Variants in CPS1 observed in about 807,000 individuals in gnomAD.
The protein encoded by CPS1 is carbamoyl-phosphate synthase [ammonia], mitochondrial.
A neutral mutation model predicts 174.6 loss-of-function variants in CPS1; 109 were observed. The ratio of observed to expected loss-of-function variants is 0.62; its 90% CI spans 0.53 to 0.73. The LOEUF (loss-of-function observed/expected upper bound fraction) is 0.73, where lower values mean the gene tolerates loss of function less well. Among genes scored for constraint, CPS1 ranks in the 30% least tolerant of loss-of-function variants. The probability of loss-of-function intolerance (pLI) is 0.00; values close to 1 mark genes in which losing one functional copy is unlikely to be tolerated. For synonymous variants in CPS1, 637 were observed against 632.0 expected (o/e 1.01, Z -0.12); for missense variants, 1,689 against 1,821.9 (o/e 0.93, Z 1.33).
In CPS1 at chr2:210,582,254, C is replaced by T. The variant is rs147623185; in HGVS notation, c.529-363C>T. Among the ~76,000 whole-genome samples, 7 of 150,830 alleles carry T rather than the reference C, an allele frequency of 4.6e-5. No homozygotes were observed. In the East Asian group the frequency reaches 1.2e-3, roughly 25 times the overall value. On this transcript the variant is annotated intron_variant, in intron 5 of 37. Coordinates refer to ENST00000233072, the MANE Select transcript of CPS1 (RefSeq NM_001875.5). ...TATTGTCTCAATAGATTTTTTTTGT[C>T]CATTTCTCTCATGAAATGTCTTTAG...
chr2:210,659,503 G>A (rs192008351), intron 31 of CPS1, among the ~76,000 whole-genome samples: 78 of 152,128 alleles, frequency 5.1e-4, no homozygotes, highest in Non-Finnish European at 7.4e-4. Context: ...TCCACCCCTC[G>A]GACCCAAACA....
intron 21 of CPS1, among the ~76,000 whole-genome samples, chr2:210,635,235 A>G (rs7587701): frequency 0.42 from 64,447 of 151,836 alleles, 14,744 homozygotes; most frequent in Middle Eastern, 0.57. Context: ...GAGCCACCAC[A>G]CCCGGCCAAG....
intron 1 of CPS1, among the ~76,000 whole-genome samples, chr2:210,524,962 T>A (rs959073748): frequency 6.6e-6 from 1 of 151,984 alleles, no homozygotes; most frequent in Non-Finnish European, 1.5e-5. Context: ...GTTTTTACAA[T>A]CTCTATTAAT....
intron 1 of CPS1, chr2:210,519,666 C>A: frequency 1.3e-6 from 1 of 770,188 alleles, no homozygotes; most frequent in Non-Finnish European, 1.6e-6. Flanking sequence ...TGCATCTAGA[C>A]ACAGGCACGT....
chr2:210,524,611 T>C (rs949302125), intron 1 of CPS1, among the ~76,000 whole-genome samples: 1 of 151,980 alleles, frequency 6.6e-6, no homozygotes, highest in Non-Finnish European at 1.5e-5. Context: ...ATTGGAGTCT[T>C]AGTGGGACTG....
chr2:210,640,167 A>G (rs1700175064), intron 24 of CPS1, 108 bp downstream of exon 24: 4 of 795,884 alleles, frequency 5.0e-6, no homozygotes, highest in East Asian at 5.3e-5. Context: ...ATGCTGTAAT[A>G]TATGTTTTGC....
chr2:210,672,832 C>T (rs1000592519), intron 34 of CPS1: 3 of 152,140 alleles, frequency 2.0e-5, no homozygotes, highest in African/African-American at 7.2e-5. Flanking sequence ...TTTATCTATT[C>T]TATTTACCAA....
chr2:210,511,624 A>G (rs190139396), intron 1 of CPS1, among the ~76,000 whole-genome samples: 127 of 152,240 alleles, frequency 8.3e-4, no homozygotes, highest in African/African-American at 2.8e-3. Context: ...TTACAACTTC[A>G]TAAGCAAAGC....
Position 210,480,762 on chromosome 2 carries a change from T to G in CPS1, c.3+2996T>G, listed in dbSNP as rs564717481. On this transcript the variant is annotated intron_variant, in intron 1 of 38. Coordinates refer to the CPS1 transcript ENST00000430249. ...CTTGTCTCTTTTTTTGTTGTTGACATTACCTTATTTTCTTTTTAGCTCAAA... is the reference window on the plus strand; with the variant it reads ...CTTGTCTCTTTTTTTGTTGTTGACAGTACCTTATTTTCTTTTTAGCTCAAA... Among the ~76,000 whole-genome samples the G allele has an allele frequency of 1.1e-4, 16 of 152,324 alleles. 1 individual carries two copies. In the South Asian group the frequency reaches 3.3e-3, roughly 32 times the overall value.
Position 210,677,012 on chromosome 2 carries a change from T to C in CPS1, c.4280T>C (p.Ile1427Thr), listed in dbSNP as rs568491223. Residue 1427 changes from isoleucine (I) to threonine (T), a missense_variant, in exon 37 of 38, where the codon ATT becomes ACT. Coordinates refer to ENST00000233072, the MANE Select transcript of CPS1 (RefSeq NM_001875.5). ...NPSLSSIRKL[I>T]RDGSIDLVIN... ...GTTTTTGTTTATTTTTCCAGATTGA[T>C]TAGAGATGGCAGCATTGACCTAGTG... 2 of 1,613,486 alleles carry C rather than the reference T, an allele frequency of 1.2e-6. No homozygotes were observed. The highest frequency in any genetic ancestry group is 2.2e-5 in the South Asian group (2 of 91,072).
intron 1 of CPS1, among the ~76,000 whole-genome samples, chr2:210,550,615 A>ATCATAC (rs1696703944): frequency 2.6e-5 from 4 of 152,104 alleles, no homozygotes; most frequent in Admixed American, 2.6e-4. Context: ...TTCAGGCAAG[A>ATCATAC]TCATACTTAT....
intron 12 of CPS1, among the ~76,000 whole-genome samples, chr2:210,595,002 T>A (rs1054002625): frequency 7.2e-5 from 11 of 151,874 alleles, no homozygotes; most frequent in Non-Finnish European, 1.3e-4. Context: ...TTATTCAACA[T>A]CATGTACTGA....
At chr2:210,483,082 T>C (rs28485712) in intron 1 of CPS1, among the ~76,000 whole-genome samples, 31,079 of 152,186 alleles carry the variant, frequency 0.2, 3,703 homozygotes, top group Middle Eastern at 0.34. Flanking sequence ...CTTCTTCAGG[T>C]GGAATAATTC....
At chr2:210,541,202 A>G (rs1379463897) in intron 1 of CPS1, among the ~76,000 whole-genome samples, 1 of 152,208 alleles carries the variant, frequency 6.6e-6, no homozygotes, top group East Asian at 1.9e-4. Flanking sequence ...TGAGACTGAT[A>G]GAAGTGAATT....
At position 210,590,945 on chromosome 2, in the gene CPS1, T is replaced by G. The variant is rs751150083; in HGVS notation, c.947+39T>G. On this transcript the variant is annotated intron_variant, in intron 9 of 37. Coordinates refer to ENST00000233072, the MANE Select transcript of CPS1 (RefSeq NM_001875.5). ...ACTTTTGCTTACAGTAAACCAGCTC[T>G]GACATACTAACTAAATACAAAGAAC... 4.7e-6 allele frequency: 7 copies of G among 1,499,484 alleles called. No homozygotes were observed. In the East Asian group the frequency reaches 1.6e-4, roughly 34 times the overall value. The allele number at this position is 1,499,484 out of a possible 1,614,324, so 92.9% of individuals were successfully genotyped here. A position where few individuals can be genotyped will look rare whatever the true frequency, so the allele number is the denominator to read the frequency against.
At chr2:210,626,829 T>C (rs1699712436) in intron 21 of CPS1, among the ~76,000 whole-genome samples, 1 of 152,206 alleles carries the variant, frequency 6.6e-6, no homozygotes, top group Non-Finnish European at 1.5e-5. Context: ...TAAATACTTA[T>C]TTAAAATACA....
At chr2:210,519,782 G>A (rs1695773637) in intron 1 of CPS1, 1 of 985,098 alleles carries the variant, frequency 1.0e-6, no homozygotes, top group Admixed American at 6.2e-5. Flanking sequence ...AATGTTGGAA[G>A]AGGTATTTGG....
chr2:210,624,542 C>T (rs959386165), intron 21 of CPS1, among the ~76,000 whole-genome samples: 1 of 151,924 alleles, frequency 6.6e-6, no homozygotes, highest in African/African-American at 2.4e-5. Flanking sequence ...GCCAAAAATA[C>T]ATTTTATTTT....
At chr2:210,515,903 G>A (rs1426531632) in intron 1 of CPS1, among the ~76,000 whole-genome samples, 2 of 151,578 alleles carry the variant, frequency 1.3e-5, no homozygotes, top group Non-Finnish European at 1.5e-5. Flanking sequence ...TTGTATCTCT[G>A]TTTTCATTTA....
Sources: gnomAD v4.1 joint callset for allele counts (sites outside exome capture counted in the v4.1 genomes callset) on GRCh38, gnomAD v4.1.1 for gene constraint, MANE v1.5 for transcripts, NCBI Gene and HGNC (gene_info 2026-07-23, HGNC 2026-07-21) for gene names.